DCC: variants seen among roughly 807,000 people sequenced by gnomAD.
DCC encodes the protein netrin receptor DCC.
In DCC, 58 loss-of-function variants were observed where a neutral mutation model predicts 172.5. That is an observed-to-expected ratio of 0.34 (90% CI 0.27 to 0.42). DCC has a LOEUF of 0.42. Among genes scored for constraint, DCC ranks in the 10% least tolerant of loss-of-function variants. The probability of loss-of-function intolerance (pLI) is 1.00; values close to 1 mark genes in which losing one functional copy is unlikely to be tolerated. For missense variants in DCC, 1,740 were observed against 1,791.0 expected, an observed-to-expected ratio of 0.97 and a Z score of 0.51; for synonymous variants, 709 against 644.5, an observed-to-expected ratio of 1.10 and a Z score of -1.52.
At chr18:53,402,598 C>T (rs1369295172) in intron 18 of DCC, among the ~76,000 whole-genome samples, 188 bp from the exon 19 acceptor site, 1 of 152,044 alleles carries the variant, frequency 6.6e-6, no homozygotes, top group Non-Finnish European at 1.5e-5. Flanking sequence ...CATTTGATTT[C>T]CATAAAAATT....
chr18:52,682,739 G>GAC, intron 1 of DCC, among the ~76,000 whole-genome samples: 1 of 152,062 alleles, frequency 6.6e-6, no homozygotes, highest in Admixed American at 6.6e-5. Flanking sequence ...AAAACAGACA[G>GAC]AGTGAGGTGG....
intron 5 of DCC, among the ~76,000 whole-genome samples, chr18:53,052,484 T>G (rs1319728397): frequency 6.6e-6 from 1 of 152,070 alleles, no homozygotes; most frequent in Non-Finnish European, 1.5e-5. Flanking sequence ...CTTGATCATG[T>G]GGGAGTGGCA....
intron 1 of DCC, among the ~76,000 whole-genome samples, chr18:52,350,507 C>CA (rs2144242681): frequency 6.6e-6 from 1 of 151,674 alleles, no homozygotes; most frequent in South Asian, 2.1e-4. Context: ...GGAACATCAT[C>CA]ATACACCGGG....
At chr18:52,366,723 T>A (rs1466541140) in intron 1 of DCC, among the ~76,000 whole-genome samples, 1 of 151,644 alleles carries the variant, frequency 6.6e-6, no homozygotes, top group Non-Finnish European at 1.5e-5. Flanking sequence ...GAGTGTCGAT[T>A]GGTGCACTCA....
intron 2 of DCC, among the ~76,000 whole-genome samples, chr18:52,905,664 G>T (rs929541860): frequency 3.3e-5 from 5 of 152,132 alleles, no homozygotes; most frequent in Non-Finnish European, 7.3e-5. Flanking sequence ...ACCAGGATTC[G>T]GAAGAACAAG....
chr18:52,481,432 G>A (rs2144583143), intron 1 of DCC, among the ~76,000 whole-genome samples: 1 of 152,196 alleles, frequency 6.6e-6, no homozygotes, highest in South Asian at 2.1e-4. Context: ...CCTGGCCAGG[G>A]AAACTTACAT....
At chr18:53,362,126 C>T (rs1423992983) in intron 15 of DCC, among the ~76,000 whole-genome samples, 1 of 152,064 alleles carries the variant, frequency 6.6e-6, no homozygotes, top group Non-Finnish European at 1.5e-5. Flanking sequence ...TTTCTATTTT[C>T]TCAAGTCTCT....
In DCC at chr18:53,516,145, G is replaced by A. The variant is rs933172001; in HGVS notation, c.4112-10472G>A. Among the ~76,000 whole-genome samples, 831 of 150,550 alleles carry A rather than the reference G, an allele frequency of 5.5e-3. 9 individuals are homozygous for A. Among genetic ancestry groups the A allele is most frequent in the African/African-American group, 0.019 (759 of 40,042 alleles). ...GAACAGAGCCCTCAGAAATAATGCCGCATATCTACAACTATGTGATCTTTG... is the reference window on the plus strand; with the variant it reads ...GAACAGAGCCCTCAGAAATAATGCCACATATCTACAACTATGTGATCTTTG... On this transcript the variant is annotated intron_variant, in intron 27 of 28. Coordinates refer to ENST00000442544, the MANE Select transcript of DCC (RefSeq NM_005215.4).
chr18:52,817,500 TTTAAA>T (rs1384722502), intron 2 of DCC, among the ~76,000 whole-genome samples: 6 of 152,168 alleles, frequency 3.9e-5, no homozygotes, highest in African/African-American at 1.4e-4. Context: ...CTTCTCATAT[TTTAAA>T]TTATTAGGTA....
intron 6 of DCC, among the ~76,000 whole-genome samples, chr18:53,065,532 G>A (rs2042553242): frequency 1.3e-5 from 2 of 152,092 alleles, no homozygotes; most frequent in South Asian, 4.1e-4. Context: ...ATATGTCAAA[G>A]CCATCACAAT....
chr18:53,430,373 C>T (rs1024845760), intron 21 of DCC, among the ~76,000 whole-genome samples: 8 of 152,092 alleles, frequency 5.3e-5, no homozygotes, highest in African/African-American at 1.7e-4. Flanking sequence ...ATGGATTAAA[C>T]AAACGATTAG....
At chr18:53,036,530 T>C (rs780952682) in intron 5 of DCC, among the ~76,000 whole-genome samples, 21 of 152,196 alleles carry the variant, frequency 1.4e-4, no homozygotes, top group South Asian at 4.1e-4. Context: ...TTCCTTCTGC[T>C]ACTTCACTGT....
chr18:52,612,449 A>ATTT (rs34432767), intron 1 of DCC, among the ~76,000 whole-genome samples: 2 of 145,304 alleles, frequency 1.4e-5, no homozygotes, highest in African/African-American at 2.5e-5. Flanking sequence ...AGTGGCTTTG[A>ATTT]TTTTTTTTTT....
intron 5 of DCC, among the ~76,000 whole-genome samples, chr18:52,952,657 T>A (rs1036117092): frequency 6.6e-6 from 1 of 152,190 alleles, no homozygotes; most frequent in Non-Finnish European, 1.5e-5. Flanking sequence ...CAGAGCTAAT[T>A]TACTTCTTTA....
chr18:52,385,501 G>C (rs1173196310), intron 1 of DCC, among the ~76,000 whole-genome samples: 1 of 152,004 alleles, frequency 6.6e-6, no homozygotes, highest in African/African-American at 2.4e-5. Context: ...TACTGTGCCT[G>C]GCCTGAAATT....
At chr18:53,097,852 A>G (rs2043109617) in intron 7 of DCC, among the ~76,000 whole-genome samples, 1 of 152,116 alleles carries the variant, frequency 6.6e-6, no homozygotes, top group African/African-American at 2.4e-5. Context: ...TCCTCATGTT[A>G]TAAGGATACC....
intron 5 of DCC, among the ~76,000 whole-genome samples, chr18:53,051,027 C>G (rs988688986): frequency 2.6e-5 from 4 of 151,990 alleles, no homozygotes; most frequent in African/African-American, 7.2e-5. Context: ...CCCAGAAGTT[C>G]AAGACAAACT....
chr18:53,099,497 G>T (rs935684700), intron 7 of DCC, among the ~76,000 whole-genome samples: 1 of 152,098 alleles, frequency 6.6e-6, no homozygotes, highest in Non-Finnish European at 1.5e-5. Flanking sequence ...TTTCAATTCT[G>T]CCGTTGCTAG....
chr18:52,970,869 C>T (rs1414849633), intron 5 of DCC, among the ~76,000 whole-genome samples: 1 of 152,092 alleles, frequency 6.6e-6, no homozygotes, highest in African/African-American at 2.4e-5. Flanking sequence ...AGCAGCACAC[C>T]GCTGTGCAGA....
Sources: gnomAD v4.1 joint callset for allele counts (sites outside exome capture counted in the v4.1 genomes callset) on GRCh38, gnomAD v4.1.1 for gene constraint, MANE v1.5 for transcripts, NCBI Gene and HGNC (gene_info 2026-07-23, HGNC 2026-07-21) for gene names.